The following SPR variants were observed in gnomAD, a reference collection of about 807,000 sequenced individuals.
SPR encodes the protein sepiapterin reductase, also known as Sepiapterin reductase (L-erythro-7,8-dihydrobiopterin forming).
In SPR, 12 loss-of-function variants were observed where a neutral mutation model predicts 16.0. The observed-to-expected ratio is 0.75, with a 90% CI of 0.48 to 1.22. The LOEUF is 1.22. Among genes scored for constraint, SPR ranks in the 50% most tolerant of loss-of-function variants. The probability of loss-of-function intolerance (pLI) is 0.00; values close to 1 mark genes in which losing one functional copy is unlikely to be tolerated. For synonymous variants in SPR, 177 were observed against 168.5 expected, an observed-to-expected ratio of 1.05 and a Z score of -0.39; for missense variants, 324 against 344.4, an observed-to-expected ratio of 0.94 and a Z score of 0.47.
chr2:72,888,361 A>G lies in SPR; in HGVS notation c.352A>G (p.Thr118Ala). 1 of 1,614,066 alleles carries G rather than the reference A, an allele frequency of 6.2e-7. No homozygotes were observed. Among genetic ancestry groups the G allele is most frequent in the East Asian group, 2.2e-5 (1 of 44,870 alleles). ...SKGFVDLSDSTQVNNYWALNL... is the reference protein window; with the variant it reads ...SKGFVDLSDSAQVNNYWALNL... ...AGGCTTCGTGGACCTGAGTGACTCCACTCAAGTGAACAACTACTGGGCACT... is the reference window on the plus strand; with the variant it reads ...AGGCTTCGTGGACCTGAGTGACTCCGCTCAAGTGAACAACTACTGGGCACT... The change falls in exon 2 of 3, where the codon ACT (threonine) becomes GCT (alanine). Residue 118 changes from threonine to alanine, a missense_variant. Thr to Ala is a moderately conservative substitution (Grantham distance 58, BLOSUM62 0). Transcript: ENST00000234454.
intron 2 of SPR, among the ~76,000 whole-genome samples, chr2:72,890,530 A>T (rs1291821572): frequency 6.6e-6 from 1 of 151,818 alleles, no homozygotes; most frequent in African/African-American, 2.4e-5. Flanking sequence ...TTTAGAAGAG[A>T]TGGGATTTCA....
At chr2:72,891,212 A>G in intron 2 of SPR, 135 bp from the exon 3 acceptor site, 1 of 934,750 alleles carries the variant, frequency 1.1e-6, no homozygotes, top group East Asian at 2.6e-5. Flanking sequence ...AACCCTGACC[A>G]CACATTTCAG....
chr2:72,887,705 G>A lies in SPR; in HGVS notation c.273G>A (p.Gly91=). Residue 91 remains glycine (G), a synonymous_variant, in exon 1 of 3, where the codon GGG becomes GGA. Coordinates refer to ENST00000234454, the MANE Select transcript of SPR (RefSeq NM_003124.5). ...TGCGCGAGCTCCCCCGGCCCAAGGG[G>A]CTGCAGCGACTGCTGCTTATCAACA... ...GALRELPRPK[G]LQRLLLINNA... is the part of the protein sequence containing the mutation. The A allele has an allele frequency of 6.6e-7, 1 of 1,511,426 alleles. No homozygotes were observed. Among genetic ancestry groups the A allele is most frequent in the Non-Finnish European group, 8.8e-7 (1 of 1,136,278 alleles). The allele number at this position is 1,511,426 out of a possible 1,614,324, so 93.6% of individuals were successfully genotyped here.
rs539457136 is a variant in SPR at position 72,891,271 on chromosome 2, G to A, written c.596-76G>A. 3.4e-5 allele frequency: 52 copies of A among 1,531,296 alleles called. No homozygotes were observed. The East Asian group carries it at 4.1e-4, about 12-fold the overall frequency. 94.9% of individuals were successfully genotyped at this position (1,531,296 alleles called of 1,614,324 possible). On this transcript the variant is annotated intron_variant, in intron 2 of 2. Transcript: ENST00000234454. ...CCAGACCTGACTCAGCCCCACCCCC[G>A]ACATAAAACAGGGACCTGAAACCTT... is the stretch of plus-strand genomic sequence containing the variant.
Position 72,887,445 on chromosome 2 carries a change from C to A in SPR, c.13C>A (p.Leu5Met), listed in dbSNP as rs1158483002. The A allele has an allele frequency of 1.3e-6, 2 of 1,501,378 alleles. No individual in the cohort carries two copies. The highest frequency in any genetic ancestry group is 2.9e-5 in the African/African-American group (2 of 69,284). The allele number at this position is 1,501,378 out of a possible 1,614,324, so 93.0% of individuals were successfully genotyped here. A position where few individuals can be genotyped will look rare whatever the true frequency, so the allele number is the denominator to read the frequency against. ...GGAGAACAGGAGCATGGAGGGCGGG[C>A]TGGGGCGTGCTGTGTGCTTGCTGAC... MEGG[L>M]GRAVCLLTGA... The change falls in exon 1 of 3, where the codon CTG becomes ATG. Residue 5 changes from leucine (L) to methionine (M), a missense_variant. Transcript: ENST00000234454.
Position 72,891,799 on chromosome 2 carries a change from G to GA in SPR, c.*264dup. The GA allele has an allele frequency of 1.9e-6, 1 of 530,944 alleles. No homozygotes were observed. Among genetic ancestry groups the GA allele is most frequent in the Non-Finnish European group, 3.4e-6 (1 of 294,088 alleles). 32.9% of individuals were successfully genotyped at this position (530,944 alleles called of 1,614,324 possible). On this transcript the variant is annotated 3_prime_UTR_variant, in exon 3 of 3. Coordinates refer to ENST00000234454, the MANE Select transcript of SPR (RefSeq NM_003124.5). ...TGGGTATTGGTGTCTCTATCCCCAG[G>GA]AATAGAACTTAAGGGGTGGGAAGAA...
At chr2:72,891,251 C>G in intron 2 of SPR, 96 bp from the exon 3 acceptor site, 1 of 1,342,260 alleles carries the variant, frequency 7.5e-7, no homozygotes, top group Non-Finnish European at 1.1e-6. Context: ...TCTGGCCAGA[C>G]CTGACTCAGC....
chr2:72,888,642 C>A, intron 2 of SPR, 38 bp downstream of exon 2: 1 of 1,559,002 alleles, frequency 6.4e-7, no homozygotes, highest in South Asian at 1.2e-5. Flanking sequence ...CCTCCAGAAC[C>A]CACTGGTGCG....
chr2:72,887,917 A>C (rs1007408975), intron 1 of SPR, among the ~76,000 whole-genome samples, 181 bp downstream of exon 1: 2 of 152,220 alleles, frequency 1.3e-5, no homozygotes, highest in African/African-American at 2.4e-5. Flanking sequence ...CGTCGGGACA[A>C]CAGTCTGCCC....
At chr2:72,889,924 C>T (rs970573606) in intron 2 of SPR, among the ~76,000 whole-genome samples, 1 of 152,244 alleles carries the variant, frequency 6.6e-6, no homozygotes, top group African/African-American at 2.4e-5. Flanking sequence ...GGAAAATAGT[C>T]AAGGACCAGG....
In SPR at chr2:72,891,913, C is replaced by T. The variant is rs187180530; in HGVS notation, c.*376C>T. The T allele has an allele frequency of 1.3e-3, 351 of 280,096 alleles. 2 individuals carry two copies. The highest frequency in any genetic ancestry group is 7.1e-3 in the African/African-American group (332 of 46,572). The allele number at this position is 280,096 out of a possible 1,614,324, so 17.4% of individuals were successfully genotyped here. A position where few individuals can be genotyped will look rare whatever the true frequency, so the allele number is the denominator to read the frequency against. On this transcript the variant is annotated 3_prime_UTR_variant, in exon 3 of 3. Coordinates refer to ENST00000234454, the MANE Select transcript of SPR (RefSeq NM_003124.5). ...GGTAGAGGAAAGAGTGATCTGGTGTCGAATAGGAGGACCCATGTAGATTCG... is the reference window on the plus strand; with the variant it reads ...GGTAGAGGAAAGAGTGATCTGGTGTTGAATAGGAGGACCCATGTAGATTCG...
At position 72,888,343 on chromosome 2, in the gene SPR, G is replaced by C. The variant is rs1030649240; in HGVS notation, c.334G>C (p.Val112Leu). The C allele has an allele frequency of 5.6e-6, 9 of 1,614,056 alleles. No homozygotes were observed. Among genetic ancestry groups the C allele is most frequent in the African/African-American group, 2.7e-5 (2 of 74,922 alleles). ...GSLGDVSKGF[V>L]DLSDSTQVNN... Reference sequence around the variant, plus strand: ...TCTTGGGGATGTGTCCAAAGGCTTCGTGGACCTGAGTGACTCCACTCAAGT... The same window carrying C: ...TCTTGGGGATGTGTCCAAAGGCTTCCTGGACCTGAGTGACTCCACTCAAGT... The change falls in exon 2 of 3, where the codon GTG becomes CTG. Residue 112 changes from valine to leucine, a missense_variant. Physicochemically the swap from Val to Leu is conservative, Grantham distance 32. Coordinates refer to ENST00000234454, the MANE Select transcript of SPR (RefSeq NM_003124.5).
At position 72,887,473 on chromosome 2, in the gene SPR, G is replaced by T. The variant is rs768977579; in HGVS notation, c.41G>T (p.Gly14Val). 2.1e-5 allele frequency: 31 copies of T among 1,507,990 alleles called. No homozygotes were observed. The highest frequency in any genetic ancestry group is 2.5e-5 in the Non-Finnish European group (28 of 1,134,252). 93.4% of individuals were successfully genotyped at this position (1,507,990 alleles called of 1,614,324 possible). The change falls in exon 1 of 3, where the codon GGG becomes GTG. Residue 14 changes from glycine (G) to valine (V), a missense_variant. Gly to Val is a moderately radical substitution (Grantham distance 109). Coordinates refer to ENST00000234454, the MANE Select transcript of SPR (RefSeq NM_003124.5). ...GLGRAVCLLT[G>V]ASRGFGRTLA... ...GGGCGTGCTGTGTGCTTGCTGACCG[G>T]GGCCTCCCGCGGCTTCGGCCGGACG... is the stretch of plus-strand genomic sequence containing the variant.
Position 72,887,425 on chromosome 2 carries a change from A to C in SPR, c.-8A>C. 1.3e-6 allele frequency: 2 copies of C among 1,484,878 alleles called. No individual in the cohort carries two copies. Among genetic ancestry groups the C allele is most frequent in the Non-Finnish European group, 1.8e-6 (2 of 1,122,656 alleles). The allele number at this position is 1,484,878 out of a possible 1,614,324, so 92.0% of individuals were successfully genotyped here. On this transcript the variant is annotated 5_prime_UTR_variant, in exon 1 of 3. Coordinates refer to ENST00000234454, the MANE Select transcript of SPR (RefSeq NM_003124.5). ...CGGGTGCCAGCGCCGCCGGCGGAGA[A>C]CAGGAGCATGGAGGGCGGGCTGGGG... is the stretch of plus-strand genomic sequence containing the variant.
In SPR at chr2:72,891,331, C is replaced by G; in HGVS notation, c.596-16C>G. On this transcript the variant is annotated splice_polypyrimidine_tract_variant and intron_variant, in intron 2 of 2. Coordinates refer to ENST00000234454, the MANE Select transcript of SPR (RefSeq NM_003124.5). Reference sequence around the variant, plus strand: ...CCTTGGCCATGTTCCCTCATCGTCTCCTTTTCATCCTCTAGGTCCTCTGGA... The same window carrying G: ...CCTTGGCCATGTTCCCTCATCGTCTGCTTTTCATCCTCTAGGTCCTCTGGA... 1 of 1,614,134 alleles carries G rather than the reference C, an allele frequency of 6.2e-7. No homozygotes were observed. Among genetic ancestry groups the G allele is most frequent in the Non-Finnish European group, 8.5e-7 (1 of 1,180,014 alleles).
rs1185573676 is a variant in SPR at position 72,888,592 on chromosome 2, A to AC, written c.583_584insC (p.Asn195ThrfsTer66). The AC allele has an allele frequency of 1.9e-6, 3 of 1,594,924 alleles. No individual in the cohort carries two copies. The South Asian group carries it at 3.4e-5, about 18-fold the overall frequency. ...GGAGGAACCTAATGTGAGGGTGCTG[A>AC]ACTATGCCCCAGGTAGGTGGGAAGT... On this transcript the variant is annotated frameshift_variant, in exon 2 of 3. Transcript: ENST00000234454. LOFTEE classifies it high-confidence loss of function.
In SPR at chr2:72,887,526, T is replaced by C; in HGVS notation, c.94T>C (p.Ser32Pro). The C allele has an allele frequency of 6.7e-7, 1 of 1,483,706 alleles. No homozygotes were observed. The highest frequency in any genetic ancestry group is 8.9e-7 in the Non-Finnish European group (1 of 1,123,598). The allele number at this position is 1,483,706 out of a possible 1,614,324, so 91.9% of individuals were successfully genotyped here. Residue 32 changes from serine to proline, a missense_variant, in exon 1 of 3, where the codon TCG becomes CCG. By Grantham distance (74) the Ser-to-Pro change is moderately conservative. Coordinates refer to ENST00000234454, the MANE Select transcript of SPR (RefSeq NM_003124.5). The stretch of plus-strand genomic sequence containing the variant: ...GGCCCCGCTCCTGGCCTCGCTGCTG[T>C]CGCCCGGCTCCGTGCTTGTCCTTAG... ...TLAPLLASLL[S>P]PGSVLVLSAR...
intron 2 of SPR, 31 bp from the exon 3 acceptor site, chr2:72,891,316 G>C: frequency 6.2e-7 from 1 of 1,613,704 alleles, no homozygotes; most frequent in South Asian, 1.1e-5. Context: ...CCTTGGCCAT[G>C]TTCCCTCATC....
Position 72,888,491 on chromosome 2 carries a change from T to G in SPR, c.482T>G (p.Leu161Arg), listed in dbSNP as rs1398518374. Residue 161 changes from leucine (L) to arginine (R), a missense_variant, in exon 2 of 3, where the codon CTG (leucine) becomes CGG (arginine). Physicochemically the swap from Leu to Arg is moderately radical, Grantham distance 102. Coordinates refer to ENST00000234454, the MANE Select transcript of SPR (RefSeq NM_003124.5). ...TVVNISSLCA[L>R]QPFKGWALYC... ...GTTAACATCTCGTCCCTCTGTGCCC[T>G]GCAACCTTTCAAAGGCTGGGCGCTG... The G allele has an allele frequency of 5.0e-6, 8 of 1,613,812 alleles. No individual in the cohort carries two copies. Among genetic ancestry groups the G allele is most frequent in the Non-Finnish European group, 6.8e-6 (8 of 1,179,856 alleles).
Sources: allele counts gnomAD v4.1 joint callset (sites outside exome capture counted in the v4.1 genomes callset), GRCh38; gene constraint gnomAD v4.1.1; transcripts MANE v1.5; gene names NCBI Gene and HGNC (gene_info 2026-07-23, HGNC 2026-07-21).